The following IRF8 variants were observed in gnomAD, a reference collection of about 807,000 sequenced individuals.
IRF8 encodes interferon consensus sequence binding protein 1.
In IRF8, 14 loss-of-function variants were observed where a neutral mutation model predicts 48.7. The observed-to-expected ratio is 0.29, with a 90% CI of 0.19 to 0.45. The LOEUF is 0.45. Ranked by LOEUF, IRF8 falls within the 20% of genes least tolerant of loss-of-function variation. IRF8 has a pLI of 1.00. For synonymous variants in IRF8, 278 were observed against 227.3 expected, an observed-to-expected ratio of 1.22 and a Z score of -2.01; for missense variants, 493 against 580.7, an observed-to-expected ratio of 0.85 and a Z score of 1.55.
intron 1 of IRF8, among the ~76,000 whole-genome samples, chr16:85,899,494 T>C (rs2152097269): frequency 6.6e-6 from 1 of 152,320 alleles, no homozygotes. Flanking sequence ...TAAATCTGGT[T>C]TACATGGAAA....
At chr16:85,919,865 T>TG (rs1905479151) in intron 7 of IRF8, among the ~76,000 whole-genome samples, 1 of 152,216 alleles carries the variant, frequency 6.6e-6, no homozygotes, top group South Asian at 2.1e-4. Context: ...GAGAGAGCAC[T>TG]GGGCAGCTGT....
At chr16:85,908,759 A>G (rs1019085714) in intron 2 of IRF8, among the ~76,000 whole-genome samples, 1 of 152,170 alleles carries the variant, frequency 6.6e-6, no homozygotes, top group African/African-American at 2.4e-5. Context: ...ACTCAGCTGT[A>G]TGAACCTGGG....
intron 3 of IRF8, among the ~76,000 whole-genome samples, chr16:85,910,094 A>C (rs189561661): frequency 7.4e-4 from 112 of 152,308 alleles, no homozygotes; most frequent in African/African-American, 2.6e-3. Context: ...ATTTTTTAAG[A>C]AGTTAAAATG....
chr16:85,899,607 G>T (rs751819589), intron 1 of IRF8, among the ~76,000 whole-genome samples: 1 of 152,168 alleles, frequency 6.6e-6, no homozygotes, highest in Non-Finnish European at 1.5e-5. Context: ...ATGCTTGGAG[G>T]GTCAGAGTTG....
At chr16:85,899,580 T>G (rs1904759799) in intron 1 of IRF8, among the ~76,000 whole-genome samples, 2 of 152,274 alleles carry the variant, frequency 1.3e-5, no homozygotes, top group South Asian at 2.1e-4. Flanking sequence ...CCCACTGAAA[T>G]TCTACCACGT....
chr16:85,913,934 GCTTCCTCCCTCGGCGT>G (rs1194562564), intron 5 of IRF8: 2 of 177,630 alleles, frequency 1.1e-5, no homozygotes, highest in Non-Finnish European at 2.4e-5. Flanking sequence ...GAATGTGTTT[GCTTCCTCCCTCGGCGT>G]CTTCCCCCTA....
intron 3 of IRF8, chr16:85,909,564 T>C: frequency 3.7e-6 from 1 of 267,350 alleles, no homozygotes; most frequent in Non-Finnish European, 7.4e-6. Flanking sequence ...AGCTCTCAGA[T>C]GAAGTTGTCA....
Position 85,908,987 on chromosome 16 carries a change from C to T in IRF8, c.175-3C>T, listed in dbSNP as rs1255535156. ...TTTAATGTGCTTCTGTTTCTTTCTT[C>T]AGGCCTGGGCAGTTTTTAAAGGGAA... On this transcript the variant is annotated splice_polypyrimidine_tract_variant and splice_region_variant and intron_variant, in intron 2 of 8. Coordinates refer to ENST00000268638, the MANE Select transcript of IRF8 (RefSeq NM_002163.4). 3 of 1,613,384 alleles carry T rather than the reference C, an allele frequency of 1.9e-6. No individual in the cohort carries two copies. The highest frequency in any genetic ancestry group is 3.3e-5 in the Admixed American group (2 of 60,004).
intron 3 of IRF8, among the ~76,000 whole-genome samples, chr16:85,910,623 G>T (rs1905115481): frequency 6.6e-6 from 1 of 152,170 alleles, no homozygotes; most frequent in Non-Finnish European, 1.5e-5. Flanking sequence ...GGTGCAGCCA[G>T]CATCACCTGC....
chr16:85,900,658 G>C (rs1904799822), intron 1 of IRF8, among the ~76,000 whole-genome samples: 2 of 152,228 alleles, frequency 1.3e-5, no homozygotes, highest in South Asian at 4.1e-4. Flanking sequence ...GGCTGCCTCG[G>C]TATTTGCCGT....
Position 85,903,002 on chromosome 16 carries a change from C to G in IRF8, c.-1-13C>G, listed in dbSNP as rs1372959679. 1 of 1,614,040 alleles carries G rather than the reference C, an allele frequency of 6.2e-7. No homozygotes were observed. On this transcript the variant is annotated splice_polypyrimidine_tract_variant and intron_variant, in intron 1 of 8. Transcript: ENST00000268638. ...ATCCGTAATATCACAGCGTGTATTTCTGTCTTTCCAAGGATGTGTGACCGG... is the reference window on the plus strand; with the variant it reads ...ATCCGTAATATCACAGCGTGTATTTGTGTCTTTCCAAGGATGTGTGACCGG...
At chr16:85,902,339 G>C (rs1904850212) in intron 1 of IRF8, among the ~76,000 whole-genome samples, 1 of 152,186 alleles carries the variant, frequency 6.6e-6, no homozygotes, top group African/African-American at 2.4e-5. Context: ...AACCAGTACA[G>C]GTAGTGTTTT....
chr16:85,918,015 T>C (rs188470273), intron 6 of IRF8, among the ~76,000 whole-genome samples: 1 of 152,340 alleles, frequency 6.6e-6, no homozygotes, highest in East Asian at 1.9e-4. Flanking sequence ...TTGTTATGAA[T>C]GTAGGCAGCA....
intron 1 of IRF8, among the ~76,000 whole-genome samples, chr16:85,902,235 C>T (rs866465237): frequency 6.6e-6 from 1 of 152,048 alleles, no homozygotes; most frequent in Admixed American, 6.6e-5. Flanking sequence ...AGGAGTTGCC[C>T]AGGAAGGAAG....
intron 4 of IRF8, among the ~76,000 whole-genome samples, chr16:85,912,714 G>A (rs1289358306): frequency 6.6e-6 from 1 of 152,258 alleles, no homozygotes; most frequent in Non-Finnish European, 1.5e-5. Flanking sequence ...GAATGGGCCA[G>A]AGATTGAACA....
intron 7 of IRF8, among the ~76,000 whole-genome samples, chr16:85,919,777 T>G (rs1312477122): frequency 6.6e-6 from 1 of 152,174 alleles, no homozygotes; most frequent in Non-Finnish European, 1.5e-5. Flanking sequence ...CCTCCCTGGG[T>G]GTCCTCAGGT....
Position 85,921,330 on chromosome 16 carries a change from C to G in IRF8, c.*48C>G, listed in dbSNP as rs763757724. On this transcript the variant is annotated 3_prime_UTR_variant, in exon 9 of 9. Coordinates refer to ENST00000268638, the MANE Select transcript of IRF8 (RefSeq NM_002163.4). ...CCCGTCTGCGTCCTGCATCCATCTC[C>G]CTGTTACAGTGGCCCGCATCATGAT... 1 of 1,579,516 alleles carries G rather than the reference C, an allele frequency of 6.3e-7. No individual in the cohort carries two copies. Among genetic ancestry groups the G allele is most frequent in the East Asian group, 2.2e-5 (1 of 44,766 alleles).
In IRF8 at chr16:85,921,234, C is replaced by G. The variant is rs1401983471; in HGVS notation, c.1233C>G (p.Ala411=). The change falls in exon 9 of 9, where the codon GCC becomes GCG. Residue 411 remains alanine, a synonymous_variant. Transcript: ENST00000268638. ...TCCGGATGTTTCCAGATATTTGTGC[C>G]TCACACCAGAGATCATTTTTCAGAG... ...QVFRMFPDIC[A]SHQRSFFREN... is the part of the protein sequence containing the mutation. 6.2e-7 allele frequency: 1 copy of G among 1,614,106 alleles called. No homozygotes were observed. The highest frequency in any genetic ancestry group is 2.2e-5 in the East Asian group (1 of 44,904).
intron 5 of IRF8, chr16:85,914,146 G>T (rs944446638): frequency 5.8e-5 from 23 of 399,014 alleles, no homozygotes; most frequent in African/African-American, 4.1e-4. Context: ...TGGGTGGTGG[G>T]TATGCAGTCC....
Sources: allele counts gnomAD v4.1 joint callset (sites outside exome capture counted in the v4.1 genomes callset), GRCh38; gene constraint gnomAD v4.1.1; transcripts MANE v1.5; gene names NCBI Gene and HGNC (gene_info 2026-07-23, HGNC 2026-07-21).